PTPRJ: variants seen among roughly 807,000 people sequenced by gnomAD.
The protein encoded by PTPRJ is receptor-type tyrosine-protein phosphatase eta.
Under a neutral mutation model 141.3 loss-of-function variants are expected in PTPRJ, and 129 were observed. The ratio of observed to expected loss-of-function variants is 0.91; its 90% CI spans 0.79 to 1.06. The LOEUF is 1.06. Ranked by LOEUF, PTPRJ falls within the 50% of genes least tolerant of loss-of-function variation. The pLI is 0.00. For synonymous variants in PTPRJ, 610 were observed against 640.5 expected (o/e 0.95, Z 0.72); for missense variants, 1,601 against 1,679.7 (o/e 0.95, Z 0.82).
chr11:48,091,013 G>A (rs372381435), intron 1 of PTPRJ, among the ~76,000 whole-genome samples: 3 of 152,172 alleles, frequency 2.0e-5, no homozygotes, highest in Non-Finnish European at 2.9e-5. Context: ...ACCACATTCC[G>A]AAGACTTCAG....
At chr11:47,995,043 A>G (rs936790961) in intron 1 of PTPRJ, among the ~76,000 whole-genome samples, 1 of 152,206 alleles carries the variant, frequency 6.6e-6, no homozygotes, top group Non-Finnish European at 1.5e-5. Flanking sequence ...TATAACTGTT[A>G]GCTGTTGCAT....
intron 1 of PTPRJ, among the ~76,000 whole-genome samples, chr11:48,034,688 G>A (rs897732702): frequency 6.6e-6 from 1 of 152,286 alleles, no homozygotes; most frequent in South Asian, 2.1e-4. Flanking sequence ...AACAGGCACA[G>A]ACAGTTAAAT....
In PTPRJ at chr11:48,136,316, C is replaced by T. The variant is rs1475281110; in HGVS notation, c.1873+20C>T. 4 of 1,609,592 alleles carry T rather than the reference C, an allele frequency of 2.5e-6. No individual in the cohort carries two copies. Among genetic ancestry groups the T allele is most frequent in the African/African-American group, 1.3e-5 (1 of 74,962 alleles). On this transcript the variant is annotated intron_variant, in intron 9 of 24. Transcript: ENST00000418331. ...ACACACGTAAGTCTCTTAGGATGCC[C>T]TTCTAAGGAACAGCCTCTCTAACTG...
intron 1 of PTPRJ, among the ~76,000 whole-genome samples, chr11:48,041,984 G>A (rs893384842): frequency 7.9e-6 from 1 of 125,834 alleles, no homozygotes; most frequent in Non-Finnish European, 1.6e-5. Flanking sequence ...TCTTGAGGTG[G>A]GGGGTGGGTG....
intron 1 of PTPRJ, among the ~76,000 whole-genome samples, chr11:48,103,697 G>C (rs1856213049): frequency 1.3e-5 from 2 of 152,120 alleles, no homozygotes; most frequent in African/African-American, 2.4e-5. Context: ...ATGAAATGTG[G>C]AACTCTATAC....
intron 1 of PTPRJ, among the ~76,000 whole-genome samples, chr11:47,997,248 A>C (rs989824752): frequency 1.3e-5 from 2 of 152,236 alleles, no homozygotes; most frequent in Admixed American, 6.5e-5. Context: ...CCTAAAGGGC[A>C]AACTACCCTT....
intron 1 of PTPRJ, among the ~76,000 whole-genome samples, chr11:48,108,808 G>A (rs183189603): frequency 6.6e-6 from 1 of 152,304 alleles, no homozygotes; most frequent in East Asian, 1.9e-4. Context: ...TAGGGTGGAA[G>A]GTGGGAATGG....
chr11:47,994,534 G>C (rs1854280014), intron 1 of PTPRJ, among the ~76,000 whole-genome samples: 1 of 152,064 alleles, frequency 6.6e-6, no homozygotes, highest in Admixed American at 6.6e-5. Flanking sequence ...TGTGGTCCCA[G>C]CTGTTTGGGA....
At chr11:48,164,576 T>C in intron 24 of PTPRJ, 61 bp downstream of exon 24, 1 of 1,518,556 alleles carries the variant, frequency 6.6e-7, no homozygotes, top group East Asian at 2.3e-5. Flanking sequence ...TTTTTTTTTT[T>C]TTTTTTTTGA....
At chr11:48,139,020 C>A (rs1385414448) in intron 10 of PTPRJ, among the ~76,000 whole-genome samples, 1 of 152,104 alleles carries the variant, frequency 6.6e-6, no homozygotes, top group Non-Finnish European at 1.5e-5. Flanking sequence ...GTAGTCCCAG[C>A]GACTTGGGAG....
chr11:47,989,139 T>C (rs1336566724), intron 1 of PTPRJ, among the ~76,000 whole-genome samples: 2 of 151,960 alleles, frequency 1.3e-5, no homozygotes, highest in East Asian at 3.9e-4. Context: ...CGCCTCGGCC[T>C]CCCAAAGTGC....
intron 6 of PTPRJ, among the ~76,000 whole-genome samples, chr11:48,126,775 AACAC>A (rs10599361): frequency 0.038 from 5,175 of 137,124 alleles, 102 homozygotes; most frequent in South Asian, 0.081. Flanking sequence ...AGTCTGTTGC[AACAC>A]ACACACACAC....
chr11:48,161,410 C>G (rs374500955), intron 22 of PTPRJ, among the ~76,000 whole-genome samples: 55 of 151,994 alleles, frequency 3.6e-4, no homozygotes, highest in South Asian at 6.2e-4. Context: ...TGAGATTATC[C>G]TTGAAGATTC....
At chr11:48,076,500 T>C (rs1436843776) in intron 1 of PTPRJ, among the ~76,000 whole-genome samples, 1 of 152,182 alleles carries the variant, frequency 6.6e-6, no homozygotes, top group African/African-American at 2.4e-5. Context: ...GGGGCCTTCT[T>C]CCCTTTTTTG....
chr11:48,071,095 A>G (rs1404515987), intron 1 of PTPRJ, among the ~76,000 whole-genome samples: 2 of 152,136 alleles, frequency 1.3e-5, no homozygotes, highest in South Asian at 2.1e-4. Context: ...TTGCATAATT[A>G]TTGGTTCACT....
chr11:48,162,373 T>TCCTCTCCCTCTTC (rs1857805187), intron 22 of PTPRJ, among the ~76,000 whole-genome samples: 1 of 145,132 alleles, frequency 6.9e-6, no homozygotes, highest in Admixed American at 6.8e-5. Context: ...CCACTCCCTT[T>TCCTCTCCCTCTTC]CCTCTCCCTC....
In PTPRJ at chr11:48,168,691, G is replaced by A. The variant is rs1857984556; in HGVS notation, c.*1329G>A. The A allele has an allele frequency of 1.4e-5, 2 of 144,100 alleles. No individual in the cohort carries two copies. Among genetic ancestry groups the A allele is most frequent in the Non-Finnish European group, 1.5e-5 (1 of 66,058 alleles). 8.9% of individuals were successfully genotyped at this position (144,100 alleles called of 1,614,324 possible). A position where few individuals can be genotyped will look rare whatever the true frequency, so the allele number is the denominator to read the frequency against. Reference sequence around the variant, plus strand: ...AAAACCTTTTCACTATACTGCTGCTGTAATTACTTTGATTTTTAAAATGTA... The same window carrying A: ...AAAACCTTTTCACTATACTGCTGCTATAATTACTTTGATTTTTAAAATGTA... On this transcript the variant is annotated 3_prime_UTR_variant, in exon 25 of 25. Transcript: ENST00000418331.
intron 4 of PTPRJ, among the ~76,000 whole-genome samples, chr11:48,122,666 C>T (rs1189068390): frequency 1.3e-5 from 2 of 152,138 alleles, no homozygotes; most frequent in East Asian, 1.9e-4. Context: ...CCACAGTCAC[C>T]GAGCTGGGAA....
chr11:48,098,067 A>G (rs1381663989), intron 1 of PTPRJ, among the ~76,000 whole-genome samples: 1 of 152,194 alleles, frequency 6.6e-6, no homozygotes, highest in Non-Finnish European at 1.5e-5. Context: ...CGGTATAGAC[A>G]ATCCCTAGGA....
Sources: allele counts gnomAD v4.1 joint callset (sites outside exome capture counted in the v4.1 genomes callset), GRCh38; gene constraint gnomAD v4.1.1; transcripts MANE v1.5; gene names NCBI Gene and HGNC (gene_info 2026-07-23, HGNC 2026-07-21).